The following NTRK3 variants were observed in gnomAD, a reference collection of about 807,000 sequenced individuals.
NTRK3 encodes NT-3 growth factor receptor.
Under a neutral mutation model 91.7 loss-of-function variants are expected in NTRK3, and 24 were observed. The ratio of observed to expected loss-of-function variants is 0.26; its 90% CI spans 0.19 to 0.37. The LOEUF (loss-of-function observed/expected upper bound fraction) is 0.37, where lower values mean the gene tolerates loss of function less well. Ranked by LOEUF, NTRK3 falls within the 10% of genes least tolerant of loss-of-function variation. NTRK3 has a pLI of 1.00. For missense variants in NTRK3, 880 were observed against 1,068.9 expected (o/e 0.82, Z 2.46); for synonymous variants, 483 against 404.0 (o/e 1.20, Z -2.34).
chr15:87,889,001 T>G (rs991486011), intron 17 of NTRK3, among the ~76,000 whole-genome samples: 5 of 152,092 alleles, frequency 3.3e-5, no homozygotes, highest in Non-Finnish European at 5.9e-5. Context: ...ACAGAAAAAC[T>G]TTCTTCTCTC....
At chr15:88,249,215 G>A (rs535978567) in intron 3 of NTRK3, among the ~76,000 whole-genome samples, 1 of 152,292 alleles carries the variant, frequency 6.6e-6, no homozygotes, top group Non-Finnish European at 1.5e-5. Context: ...AGGCTCCCAA[G>A]TCTGCTGAGC....
chr15:88,065,603 T>C (rs907209091), intron 13 of NTRK3, among the ~76,000 whole-genome samples: 3 of 152,110 alleles, frequency 2.0e-5, no homozygotes, highest in African/African-American at 7.2e-5. Context: ...TGGATGACTG[T>C]CCCCATGATT....
intron 3 of NTRK3, among the ~76,000 whole-genome samples, chr15:88,238,402 C>T (rs2052007757): frequency 6.6e-6 from 1 of 152,110 alleles, no homozygotes; most frequent in Non-Finnish European, 1.5e-5. Flanking sequence ...TTTATCTACT[C>T]ATCACCTGGA....
At chr15:87,892,440 T>C (rs1319454121) in intron 17 of NTRK3, among the ~76,000 whole-genome samples, 1 of 152,218 alleles carries the variant, frequency 6.6e-6, no homozygotes, top group Non-Finnish European at 1.5e-5. Context: ...TAACAAAATG[T>C]CTTTCTTTTC....
intron 13 of NTRK3, among the ~76,000 whole-genome samples, chr15:88,044,015 G>GA (rs2079904736): frequency 6.6e-6 from 1 of 152,132 alleles, no homozygotes; most frequent in African/African-American, 2.4e-5. Context: ...TCAGAGTGAT[G>GA]ATCTGAAATA....
intron 17 of NTRK3, among the ~76,000 whole-genome samples, chr15:87,883,748 A>C (rs898934797): frequency 1.3e-5 from 2 of 151,444 alleles, no homozygotes; most frequent in African/African-American, 4.8e-5. Context: ...CAAATATAAT[A>C]AAATAAAAGT....
rs141652923 is a variant in NTRK3 at position 88,083,823 on chromosome 15, T to C, written c.1396+42448A>G. Among the ~76,000 whole-genome samples, 970 of 152,230 alleles carry C rather than the reference T, an allele frequency of 6.4e-3. 14 individuals are homozygous for C. The highest frequency in any genetic ancestry group is 0.022 in the African/African-American group (918 of 41,526). On this transcript the variant is annotated intron_variant, in intron 13 of 18. Transcript: ENST00000394480. The stretch of plus-strand genomic sequence containing the variant: ...AGTAAACAAGAAGGAACCTAAGACT[T>C]GTAGTAACTTCCTTGGCTCCAAGCC...
intron 17 of NTRK3, among the ~76,000 whole-genome samples, chr15:87,920,159 T>C (rs1229698775): frequency 1.3e-5 from 2 of 152,206 alleles, no homozygotes; most frequent in Non-Finnish European, 1.5e-5. Flanking sequence ...GACTTTTGTA[T>C]TCCAAAGTGA....
At chr15:88,098,169 C>CT (rs1471838164) in intron 13 of NTRK3, among the ~76,000 whole-genome samples, 4 of 152,304 alleles carry the variant, frequency 2.6e-5, no homozygotes, top group African/African-American at 9.6e-5. Flanking sequence ...AGCAAGTGGA[C>CT]TTTGAGCACG....
chr15:88,054,087 C>T (rs1027679785), intron 13 of NTRK3, among the ~76,000 whole-genome samples: 5 of 152,104 alleles, frequency 3.3e-5, no homozygotes, highest in Admixed American at 3.3e-4. Flanking sequence ...GAGCATTGAG[C>T]CCAGTTCAAT....
chr15:88,057,596 T>G (rs2045837041), intron 13 of NTRK3, among the ~76,000 whole-genome samples: 1 of 152,154 alleles, frequency 6.6e-6, no homozygotes, highest in Non-Finnish European at 1.5e-5. Context: ...AAGCTCCTGG[T>G]GACCTTCAAG....
chr15:87,871,513 A>G (rs1463528225), exon 19 of NTRK3: 2 of 230,408 alleles, frequency 8.7e-6, no homozygotes, highest in African/African-American at 2.2e-5. Context: ...CCAACCCCCA[A>G]ATAAGATGTG....
chr15:87,933,382 A>G (rs2068975645), intron 15 of NTRK3, among the ~76,000 whole-genome samples, 198 bp from the exon 16 acceptor site: 1 of 152,246 alleles, frequency 6.6e-6, no homozygotes, highest in African/African-American at 2.4e-5. Flanking sequence ...TCCCTGCAGA[A>G]ATAGAAACCC....
At chr15:87,963,491 C>T (rs954357873) in intron 14 of NTRK3, among the ~76,000 whole-genome samples, 1 of 152,180 alleles carries the variant, frequency 6.6e-6, no homozygotes, top group Admixed American at 6.5e-5. Context: ...TGGGACTTTT[C>T]AATTTCACTA....
At chr15:87,869,955 C>T (rs1057475963) in exon 19 of NTRK3, 5 of 192,234 alleles carry the variant, frequency 2.6e-5, no homozygotes, top group Non-Finnish European at 5.4e-5. Context: ...CAGACTTGGA[C>T]TTCAGTGTTT....
intron 3 of NTRK3, among the ~76,000 whole-genome samples, chr15:88,211,389 A>G (rs1394061552): frequency 6.6e-6 from 1 of 152,242 alleles, no homozygotes; most frequent in African/African-American, 2.4e-5. Flanking sequence ...GAGATAGACC[A>G]CATGTTTATT....
intron 14 of NTRK3, among the ~76,000 whole-genome samples, chr15:87,948,718 A>G (rs953012233): frequency 6.6e-6 from 1 of 152,136 alleles, no homozygotes; most frequent in African/African-American, 2.4e-5. Flanking sequence ...AAAAATAAAA[A>G]TGATTAGTCA....
rs139583264 is a variant in NTRK3, at chr15:88,176,136, C to CTTTTTTTTTTTTT, written c.395+7269_395+7281dup. Among the ~76,000 whole-genome samples, 115 of 116,104 alleles carry CTTTTTTTTTTTTT rather than the reference C, an allele frequency of 9.9e-4. 2 individuals carry two copies. The highest frequency in any genetic ancestry group is 3.9e-3 in the African/African-American group (108 of 27,544). 76.2% of individuals were successfully genotyped at this position (116,104 alleles called of 152,430 possible). ...TGTAATATTTGCCTATATGCCCCTT[C>CTTTTTTTTTTTTT]TTTTTTTTTTTTTTTTTTTGAGACA... On this transcript the variant is annotated intron_variant, in intron 5 of 18. Transcript: ENST00000394480.
chr15:88,239,315 G>A (rs576180027), intron 3 of NTRK3, among the ~76,000 whole-genome samples: 24 of 152,268 alleles, frequency 1.6e-4, no homozygotes, highest in Non-Finnish European at 2.9e-4. Flanking sequence ...GGGGAATAAC[G>A]AGAGGCAGGA....
Sources: allele counts gnomAD v4.1 joint callset (sites outside exome capture counted in the v4.1 genomes callset), GRCh38; gene constraint gnomAD v4.1.1; transcripts MANE v1.5; gene names NCBI Gene and HGNC (gene_info 2026-07-23, HGNC 2026-07-21).